HS3ST5: variants seen among roughly 807,000 people sequenced by gnomAD.
The protein encoded by HS3ST5 is heparan sulfate glucosamine 3-O-sulfotransferase 5.
Under a neutral mutation model 25.4 loss-of-function variants are expected in HS3ST5, and 10 were observed. The observed-to-expected ratio is 0.39, with a 90% CI of 0.24 to 0.67. HS3ST5 has a LOEUF of 0.67. HS3ST5 is among the 30% of genes least tolerant of loss of function. The pLI is 0.44. For missense variants in HS3ST5, 324 were observed against 420.7 expected, an observed-to-expected ratio of 0.77 and a Z score of 2.01; for synonymous variants, 170 against 162.4, an observed-to-expected ratio of 1.05 and a Z score of -0.36.
chr6:114,118,481 A>G (rs965121530), intron 3 of HS3ST5, among the ~76,000 whole-genome samples: 3 of 152,186 alleles, frequency 2.0e-5, no homozygotes, highest in African/African-American at 7.2e-5. Flanking sequence ...AACAATCTAT[A>G]TATAAGAAAG....
intron 1 of HS3ST5, among the ~76,000 whole-genome samples, chr6:114,308,312 G>A (rs1293123954): frequency 4.6e-5 from 7 of 152,076 alleles, no homozygotes; most frequent in Non-Finnish European, 7.4e-5. Context: ...GTGGCAGGGC[G>A]CGGTGGCTCA....
chr6:114,311,540 T>TTTG (rs1554227314), intron 1 of HS3ST5, among the ~76,000 whole-genome samples: 6 of 3,274 alleles, frequency 1.8e-3, no homozygotes, highest in African/African-American at 5.2e-3. Context: ...TCTCTCTCTC[T>TTTG]TTTTTTTTTT....
At chr6:114,309,969 T>A (rs1775460974) in intron 1 of HS3ST5, among the ~76,000 whole-genome samples, 1 of 152,180 alleles carries the variant, frequency 6.6e-6, no homozygotes, top group Non-Finnish European at 1.5e-5. Context: ...TTACGTATAC[T>A]TTCAAACATG....
chr6:114,239,659 T>C (rs1772013108), intron 1 of HS3ST5, among the ~76,000 whole-genome samples: 1 of 152,140 alleles, frequency 6.6e-6, no homozygotes, highest in Admixed American at 6.5e-5. Context: ...TGGATGCAGT[T>C]GGCCTCCATC....
chr6:114,291,440 A>T (rs1247544472), intron 1 of HS3ST5, among the ~76,000 whole-genome samples: 1 of 152,214 alleles, frequency 6.6e-6, no homozygotes, highest in East Asian at 1.9e-4. Context: ...GTCAGTCATT[A>T]GTCTGACACA....
At chr6:114,318,722 C>T (rs1205366025) in intron 1 of HS3ST5, among the ~76,000 whole-genome samples, 1 of 152,154 alleles carries the variant, frequency 6.6e-6, no homozygotes, top group Non-Finnish European at 1.5e-5. Flanking sequence ...CACTTGACCT[C>T]TCACTACCTA....
In HS3ST5 at chr6:114,155,805, C is replaced by T. The variant is rs80338495; in HGVS notation, c.-33+12546G>A. ...GCTTGGTGTGAAATGTGGTAATAAACACACCCTGTATTTATAGATTGAAAT... is the reference window on the plus strand; with the variant it reads ...GCTTGGTGTGAAATGTGGTAATAAATACACCCTGTATTTATAGATTGAAAT... On this transcript the variant is annotated intron_variant, in intron 3 of 4. Coordinates refer to ENST00000312719, the MANE Select transcript of HS3ST5 (RefSeq NM_153612.4). Among the ~76,000 whole-genome samples the T allele has an allele frequency of 1.4e-3, 206 of 152,220 alleles. 2 individuals carry two copies. The East Asian group carries it at 0.018, about 13-fold the overall frequency.
intron 1 of HS3ST5, among the ~76,000 whole-genome samples, chr6:114,262,030 A>T (rs1582768880): frequency 1.3e-5 from 2 of 152,216 alleles, no homozygotes; most frequent in African/African-American, 4.8e-5. Flanking sequence ...AATTTCATTA[A>T]GTGAGGTTCG....
intron 1 of HS3ST5, among the ~76,000 whole-genome samples, chr6:114,331,853 A>C (rs908295822): frequency 2.6e-5 from 4 of 152,122 alleles, no homozygotes; most frequent in Admixed American, 6.5e-5. Flanking sequence ...ATGGTAAAAG[A>C]ATTTAATTTC....
chr6:114,146,514 T>C (rs900433937), intron 3 of HS3ST5, among the ~76,000 whole-genome samples: 3 of 152,202 alleles, frequency 2.0e-5, no homozygotes, highest in Non-Finnish European at 4.4e-5. Flanking sequence ...TTAGAAGCCA[T>C]GGAGGCCAAT....
At chr6:114,219,212 T>G (rs1374285471) in intron 2 of HS3ST5, among the ~76,000 whole-genome samples, 1 of 152,218 alleles carries the variant, frequency 6.6e-6, no homozygotes, top group South Asian at 2.1e-4. Flanking sequence ...GTACTTCCAA[T>G]CACATTATTT....
intron 2 of HS3ST5, among the ~76,000 whole-genome samples, chr6:114,198,062 A>G (rs995935691): frequency 2.0e-4 from 30 of 152,112 alleles, no homozygotes; most frequent in African/African-American, 7.0e-4. Flanking sequence ...CCAAGATTTG[A>G]AAGATAACAT....
intron 3 of HS3ST5, among the ~76,000 whole-genome samples, chr6:114,080,434 A>C (rs567974605): frequency 6.6e-6 from 1 of 152,356 alleles, no homozygotes; most frequent in South Asian, 2.1e-4. Flanking sequence ...CCCATTACTG[A>C]GTACATATCC....
chr6:114,126,046 C>T (rs982113671), intron 3 of HS3ST5, among the ~76,000 whole-genome samples: 4 of 152,120 alleles, frequency 2.6e-5, no homozygotes, highest in African/African-American at 4.8e-5. Context: ...CAAAGAGCAG[C>T]GTGAATCTTA....
intron 1 of HS3ST5, among the ~76,000 whole-genome samples, chr6:114,260,001 T>C (rs776006906): frequency 6.6e-6 from 1 of 152,226 alleles, no homozygotes; most frequent in Non-Finnish European, 1.5e-5. Flanking sequence ...GTTATTCCAA[T>C]GTGTATTATG....
At chr6:114,241,178 A>G (rs1394789536) in intron 1 of HS3ST5, among the ~76,000 whole-genome samples, 1 of 115,904 alleles carries the variant, frequency 8.6e-6, no homozygotes, top group Non-Finnish European at 1.7e-5. Context: ...GAAATACCTT[A>G]TCTCCCTATT....
At chr6:114,134,747 C>T (rs1215101728) in intron 3 of HS3ST5, among the ~76,000 whole-genome samples, 1 of 152,180 alleles carries the variant, frequency 6.6e-6, no homozygotes, top group Non-Finnish European at 1.5e-5. Flanking sequence ...GCTGGGACTG[C>T]CAGGGCTGAG....
chr6:114,133,343 CT>C (rs1777438617), intron 3 of HS3ST5, among the ~76,000 whole-genome samples: 1 of 152,180 alleles, frequency 6.6e-6, no homozygotes, highest in Non-Finnish European at 1.5e-5. Context: ...CCCACTGTTC[CT>C]CAGAGGACAC....
intron 3 of HS3ST5, chr6:114,084,518 G>A (rs1001800685): frequency 1.3e-6 from 1 of 758,816 alleles, no homozygotes; most frequent in East Asian, 2.4e-5. Flanking sequence ...AGAACTTCCC[G>A]AGCCGGCGTC....
Sources: gnomAD v4.1 joint callset for allele counts (sites outside exome capture counted in the v4.1 genomes callset) on GRCh38, gnomAD v4.1.1 for gene constraint, MANE v1.5 for transcripts, NCBI Gene and HGNC (gene_info 2026-07-23, HGNC 2026-07-21) for gene names.